Variants in CCDC171 observed in about 807,000 individuals in gnomAD.
The protein encoded by CCDC171 is coiled-coil domain containing 171.
CCDC171 carries 177 observed loss-of-function variants against 168.2 expected under a neutral mutation model. The ratio of observed to expected loss-of-function variants is 1.05; its 90% CI spans 0.93 to 1.19. The LOEUF (loss-of-function observed/expected upper bound fraction) is 1.19, where lower values mean the gene tolerates loss of function less well. Ranked by LOEUF, CCDC171 falls within the 50% of genes most tolerant of loss-of-function variation. CCDC171 has a pLI of 0.00. For missense variants in CCDC171, 1,991 were observed against 1,539.0 expected (o/e 1.29, Z -4.91); for synonymous variants, 687 against 540.8 (o/e 1.27, Z -3.75).
intron 8 of CCDC171, among the ~76,000 whole-genome samples, chr9:15,659,688 A>G (rs1276033600): frequency 1.3e-5 from 2 of 152,210 alleles, no homozygotes; most frequent in Non-Finnish European, 2.9e-5. Flanking sequence ...GGCTTTAGCA[A>G]GTTTGAAAAT....
intron 8 of CCDC171, among the ~76,000 whole-genome samples, chr9:15,665,704 C>G (rs2048686636): frequency 6.6e-6 from 1 of 152,122 alleles, no homozygotes. Context: ...TCACTTGAGC[C>G]CAGGAATTCA....
chr9:15,557,059 G>A (rs1043002557), intron 1 of CCDC171, among the ~76,000 whole-genome samples: 12 of 152,026 alleles, frequency 7.9e-5, no homozygotes, highest in African/African-American at 2.9e-4. Context: ...GTAGATGTGT[G>A]GTATTATTTC....
chr9:16,087,486 C>A, the CCDC171 span, among the ~76,000 whole-genome samples: 1 of 151,472 alleles, frequency 6.6e-6, no homozygotes, highest in Non-Finnish European at 1.5e-5. Flanking sequence ...TTATGTAATG[C>A]CCTTCTTTGT....
At chr9:15,808,429 T>C (rs2135910031) in intron 21 of CCDC171, among the ~76,000 whole-genome samples, 1 of 152,318 alleles carries the variant, frequency 6.6e-6, no homozygotes, top group East Asian at 1.9e-4. Flanking sequence ...GGGCAAGGGA[T>C]GATAGAGTCC....
intron 3 of CCDC171, among the ~76,000 whole-genome samples, chr9:15,574,994 G>C (rs919894932): frequency 6.6e-6 from 1 of 152,082 alleles, no homozygotes; most frequent in Admixed American, 6.6e-5. Flanking sequence ...GGAAAATACT[G>C]TAAGGTTTTT....
At chr9:15,697,713 A>G (rs2051323592) in intron 11 of CCDC171, among the ~76,000 whole-genome samples, 1 of 152,232 alleles carries the variant, frequency 6.6e-6, no homozygotes, top group Non-Finnish European at 1.5e-5. Flanking sequence ...TTGCCAAAAA[A>G]TGCTGATGAT....
At chr9:15,596,785 T>G (rs1027078555) in intron 6 of CCDC171, among the ~76,000 whole-genome samples, 5 of 152,130 alleles carry the variant, frequency 3.3e-5, no homozygotes, top group African/African-American at 1.2e-4. Context: ...GAGCATGGAA[T>G]GTTCTTCCAT....
chr9:15,909,959 C>G (rs756213753), intron 24 of CCDC171, among the ~76,000 whole-genome samples: 2 of 152,144 alleles, frequency 1.3e-5, no homozygotes, highest in Non-Finnish European at 2.9e-5. Flanking sequence ...TGACCACCCT[C>G]TCACCTTTTG....
chr9:16,095,079 G>A, the CCDC171 span, among the ~76,000 whole-genome samples: 1 of 152,170 alleles, frequency 6.6e-6, no homozygotes, highest in East Asian at 1.9e-4. Flanking sequence ...CCCCAGCCAT[G>A]CTTCCTGTAC....
At chr9:15,889,221 A>C (rs1206187256) in intron 24 of CCDC171, 1 of 151,988 alleles carries the variant, frequency 6.6e-6, no homozygotes, top group East Asian at 1.9e-4. Context: ...TCGGCCTCCC[A>C]AAGTACTGGG....
intron 11 of CCDC171, among the ~76,000 whole-genome samples, chr9:15,701,399 T>C (rs2051723553): frequency 6.6e-6 from 1 of 152,118 alleles, no homozygotes; most frequent in Admixed American, 6.5e-5. Flanking sequence ...CTTTACTCCA[T>C]TTTTAGTTGA....
chr9:15,739,928 G>C (rs1302483398), intron 16 of CCDC171, among the ~76,000 whole-genome samples: 2 of 151,906 alleles, frequency 1.3e-5, no homozygotes, highest in East Asian at 1.9e-4. Flanking sequence ...TAGTAGAGAT[G>C]GGGTTTCACT....
the CCDC171 span, among the ~76,000 whole-genome samples, chr9:16,108,069 G>A: frequency 4.6e-5 from 7 of 152,152 alleles, no homozygotes; most frequent in African/African-American, 9.7e-5. Context: ...AACTTCAGTC[G>A]CAAAGTATTC....
intron 25 of CCDC171, among the ~76,000 whole-genome samples, chr9:15,949,356 A>T (rs1289036887): frequency 6.6e-6 from 1 of 152,132 alleles, no homozygotes; most frequent in Non-Finnish European, 1.5e-5. Context: ...CAATTCTGTG[A>T]AGAAAGTCAT....
intron 11 of CCDC171, among the ~76,000 whole-genome samples, chr9:15,707,608 T>C (rs759062992): frequency 1.3e-5 from 2 of 152,222 alleles, no homozygotes; most frequent in African/African-American, 2.4e-5. Flanking sequence ...TTTACAGTTA[T>C]ATCTCAACTT....
intron 21 of CCDC171, among the ~76,000 whole-genome samples, chr9:15,825,104 T>C (rs1364463556): frequency 6.6e-6 from 1 of 152,166 alleles, no homozygotes; most frequent in Non-Finnish European, 1.5e-5. Context: ...AATTTTCTTC[T>C]TCATCCACCT....
chr9:15,677,812 C>T (rs1473176684), intron 9 of CCDC171, among the ~76,000 whole-genome samples: 5 of 136,194 alleles, frequency 3.7e-5, no homozygotes, highest in East Asian at 2.2e-4. Context: ...TATATACACA[C>T]ACACACGCGC....
intron 3 of CCDC171, among the ~76,000 whole-genome samples, chr9:16,014,490 G>T (rs1183056589): frequency 6.6e-6 from 1 of 152,120 alleles, no homozygotes; most frequent in Admixed American, 6.5e-5. Context: ...TGTTCTTAAT[G>T]ACATCTACAA....
intron 25 of CCDC171, among the ~76,000 whole-genome samples, chr9:15,936,801 C>T (rs1322490661): frequency 1.3e-5 from 2 of 151,978 alleles, no homozygotes; most frequent in Non-Finnish European, 2.9e-5. Context: ...ATTTAGGCCT[C>T]AAGATTCCAG....
Sources: allele counts gnomAD v4.1 joint callset (sites outside exome capture counted in the v4.1 genomes callset), GRCh38; gene constraint gnomAD v4.1.1; transcripts MANE v1.5; gene names NCBI Gene and HGNC (gene_info 2026-07-23, HGNC 2026-07-21).